The following YME1L1 variants were observed in gnomAD, a reference collection of about 807,000 sequenced individuals.
YME1L1 encodes the protein ATP-dependent zinc metalloprotease YME1L1.
A neutral mutation model predicts 90.4 loss-of-function variants in YME1L1; 39 were observed. The ratio of observed to expected loss-of-function variants is 0.43; its 90% CI spans 0.33 to 0.56. The LOEUF is 0.56. Ranked by LOEUF, YME1L1 falls within the 20% of genes least tolerant of loss-of-function variation. The pLI, the probability that YME1L1 is intolerant of heterozygous loss-of-function variation, is 0.03. For missense variants in YME1L1, 617 were observed against 868.4 expected, an observed-to-expected ratio of 0.71 and a Z score of 3.64; for synonymous variants, 284 against 287.3, an observed-to-expected ratio of 0.99 and a Z score of 0.12.
At position 27,111,803 on chromosome 10, in the gene YME1L1, G is replaced by T; in HGVS notation, c.*174C>A. On this transcript the variant is annotated 3_prime_UTR_variant, in exon 19 of 19. Transcript: ENST00000376016. ...CATGGGATGCTAATTTGCAATAGGT[G>T]TCATAATGAGAATAACCCAAACTGG... 1.2e-6 allele frequency: 1 copy of T among 823,258 alleles called. No individual in the cohort carries two copies. Among genetic ancestry groups the T allele is most frequent in the Non-Finnish European group, 2.0e-6 (1 of 489,600 alleles). The allele number at this position is 823,258 out of a possible 1,614,324, so 51.0% of individuals were successfully genotyped here. A position where few individuals can be genotyped will look rare whatever the true frequency, so the allele number is the denominator to read the frequency against.
rs778438969 is a variant in YME1L1 at position 27,145,405 on chromosome 10, GA to G, written c.331+22del. On this transcript the variant is annotated intron_variant, in intron 3 of 18. Transcript: ENST00000376016. ...TTAATAGTGCTAAAATATTTAATTG[GA>G]ACAAAAAACACATTAACATACCATA... The G allele has an allele frequency of 1.9e-6, 3 of 1,557,030 alleles. No homozygotes were observed. The African/African-American group carries it at 4.1e-5, about 21-fold the overall frequency.
chr10:27,143,908 C>T (rs1377209825), intron 3 of YME1L1, among the ~76,000 whole-genome samples: 1 of 152,152 alleles, frequency 6.6e-6, no homozygotes, highest in African/African-American at 2.4e-5. Context: ...ATGAATACTT[C>T]ACTGATCCTT....
intron 1 of YME1L1, among the ~76,000 whole-genome samples, chr10:27,151,449 GT>G (rs1212849833): frequency 6.6e-6 from 1 of 152,188 alleles, no homozygotes. Context: ...ATTATTGTGG[GT>G]ACAGACCATT....
chr10:27,134,617 T>G (rs1185926362), intron 6 of YME1L1, among the ~76,000 whole-genome samples: 1 of 152,244 alleles, frequency 6.6e-6, no homozygotes, highest in Admixed American at 6.5e-5. Flanking sequence ...AAAACCTTTA[T>G]GAAGCCATTC....
intron 1 of YME1L1, among the ~76,000 whole-genome samples, chr10:27,151,709 A>G (rs1031214944): frequency 2.6e-5 from 4 of 152,034 alleles, no homozygotes; most frequent in Non-Finnish European, 5.9e-5. Context: ...GTGAAACCCC[A>G]TCTCTACTAA....
At position 27,110,874 on chromosome 10, in the gene YME1L1, TA is replaced by T; in HGVS notation, c.*1102del. On this transcript the variant is annotated 3_prime_UTR_variant, in exon 19 of 19. Coordinates refer to ENST00000376016, the MANE Select transcript of YME1L1 (RefSeq NM_014263.4). ...TTCTGAAAGGTTATAATAATTTATT[TA>T]ATTTTTTTTTGAGACAGAGTCTCAC... The T allele has an allele frequency of 6.6e-6, 1 of 152,224 alleles. No individual in the cohort carries two copies. The highest frequency in any genetic ancestry group is 2.1e-4 in the South Asian group (1 of 4,824). The allele number at this position is 152,224 out of a possible 1,614,324, so 9.4% of individuals were successfully genotyped here. A position where few individuals can be genotyped will look rare whatever the true frequency, so the allele number is the denominator to read the frequency against.
intron 8 of YME1L1, among the ~76,000 whole-genome samples, chr10:27,130,221 T>G (rs1378888327): frequency 6.6e-6 from 1 of 152,158 alleles, no homozygotes; most frequent in East Asian, 1.9e-4. Context: ...AATATTTTCT[T>G]CCAGGATACC....
chr10:27,142,415 G>A lies in YME1L1; in HGVS notation c.402C>T (p.Ser134=). Residue 134 remains serine, a synonymous_variant, in exon 4 of 19, where the codon AGC becomes AGT. Coordinates refer to ENST00000376016, the MANE Select transcript of YME1L1 (RefSeq NM_014263.4). ...GCCAGTACTGAAGATCTGAACAAATGCTTTGAAGAGCTCTTGAATGATGTC... is the reference window on the plus strand; with the variant it reads ...GCCAGTACTGAAGATCTGAACAAATACTTTGAAGAGCTCTTGAATGATGTC... ...LYRHHSRALQ[S]ICSDLQYWPV... 3 of 1,523,840 alleles carry A rather than the reference G, an allele frequency of 2.0e-6. No homozygotes were observed. The highest frequency in any genetic ancestry group is 1.4e-5 in the African/African-American group (1 of 70,984). The allele number at this position is 1,523,840 out of a possible 1,614,324, so 94.4% of individuals were successfully genotyped here.
In YME1L1 at chr10:27,111,757, A is replaced by T; in HGVS notation, c.*220T>A. 1 of 646,358 alleles carries T rather than the reference A, an allele frequency of 1.5e-6. No homozygotes were observed. The highest frequency in any genetic ancestry group is 2.8e-6 in the Non-Finnish European group (1 of 358,774). 40.0% of individuals were successfully genotyped at this position (646,358 alleles called of 1,614,324 possible). A position where few individuals can be genotyped will look rare whatever the true frequency, so the allele number is the denominator to read the frequency against. On this transcript the variant is annotated 3_prime_UTR_variant, in exon 19 of 19. Transcript: ENST00000376016. Reference sequence around the variant, plus strand: ...CTGTTTTCAATCCTGATAGTTCTTTATTTTTTCAAAATATATTTGCCATGG... The same window carrying T: ...CTGTTTTCAATCCTGATAGTTCTTTTTTTTTTCAAAATATATTTGCCATGG...
intron 8 of YME1L1, among the ~76,000 whole-genome samples, chr10:27,128,253 T>C (rs184064000): frequency 5.3e-5 from 8 of 152,332 alleles, no homozygotes; most frequent in Admixed American, 4.6e-4. Context: ...TCACAGGAAC[T>C]ACCTAATGGC....
rs549889012 is a variant in YME1L1 at position 27,152,233 on chromosome 10, T to G, written c.33+1945A>C. On this transcript the variant is annotated intron_variant, in intron 1 of 18. Transcript: ENST00000376016. ...TTTGAAAAGATTTATTTGAATTAGT[T>G]ATATCTCTTTTATTTGAATTAGTTA... 4.6e-5 allele frequency among the ~76,000 whole-genome samples: 7 copies of G among 152,364 alleles called. No homozygotes were observed. In the South Asian group the frequency reaches 1.4e-3, roughly 32 times the overall value.
At chr10:27,118,900 G>A (rs1705963091) in intron 14 of YME1L1, among the ~76,000 whole-genome samples, 1 of 152,078 alleles carries the variant, frequency 6.6e-6, no homozygotes, top group South Asian at 2.1e-4. Flanking sequence ...TAAGCAACTA[G>A]AATATATTTG....
intron 3 of YME1L1, 85 bp downstream of exon 3, chr10:27,145,343 C>T (rs796282582): frequency 6.7e-5 from 71 of 1,064,056 alleles, no homozygotes; most frequent in African/African-American, 3.0e-4. Context: ...CCACAATAAA[C>T]GCTACTGTGA....
At chr10:27,125,896 C>T (rs543256942) in intron 9 of YME1L1, among the ~76,000 whole-genome samples, 7 of 151,954 alleles carry the variant, frequency 4.6e-5, no homozygotes, top group Non-Finnish European at 5.9e-5. Context: ...AGACTGGTCT[C>T]GAACTCCTGA....
chr10:27,138,809 T>C (rs1272246670), intron 4 of YME1L1, among the ~76,000 whole-genome samples: 1 of 151,912 alleles, frequency 6.6e-6, no homozygotes, highest in African/African-American at 2.4e-5. Context: ...TTGTTCAGAA[T>C]CTCCAAATTA....
intron 15 of YME1L1, 102 bp from the exon 16 acceptor site, chr10:27,116,447 A>G: frequency 7.4e-7 from 1 of 1,352,192 alleles, no homozygotes; most frequent in Non-Finnish European, 1.0e-6. Context: ...TGGGTGGATC[A>G]CCTGAGGTTG....
At chr10:27,128,135 T>C (rs1455711046) in intron 8 of YME1L1, among the ~76,000 whole-genome samples, 2 of 152,190 alleles carry the variant, frequency 1.3e-5, no homozygotes, top group Non-Finnish European at 2.9e-5. Flanking sequence ...TTAAATGCCC[T>C]TATTAATATT....
At chr10:27,151,747 G>C (rs1306615749) in intron 1 of YME1L1, among the ~76,000 whole-genome samples, 1 of 152,114 alleles carries the variant, frequency 6.6e-6, no homozygotes, top group African/African-American at 2.4e-5. Flanking sequence ...CGGGCGTGGT[G>C]GCGGGCGCCT....
At position 27,110,252 on chromosome 10, in the gene YME1L1, TAAA is replaced by T. The variant is rs987350641; in HGVS notation, c.*1722_*1724del. 2.0e-5 allele frequency: 3 copies of T among 152,112 alleles called. No individual in the cohort carries two copies. Among genetic ancestry groups the T allele is most frequent in the African/African-American group, 7.2e-5 (3 of 41,394 alleles). The allele number at this position is 152,112 out of a possible 1,614,324, so 9.4% of individuals were successfully genotyped here. A position where few individuals can be genotyped will look rare whatever the true frequency, so the allele number is the denominator to read the frequency against. ...GGGAGACAGAACAGGTTTGGGGCAA[TAAA>T]AAACGGGCAGAATGATAACAACTGG... On this transcript the variant is annotated 3_prime_UTR_variant, in exon 19 of 19. Transcript: ENST00000376016.
Sources: gnomAD v4.1 joint callset for allele counts (sites outside exome capture counted in the v4.1 genomes callset) on GRCh38, gnomAD v4.1.1 for gene constraint, MANE v1.5 for transcripts, NCBI Gene and HGNC (gene_info 2026-07-23, HGNC 2026-07-21) for gene names.